The following ABAT variants were observed in gnomAD, a reference collection of about 807,000 sequenced individuals.
ABAT encodes the protein 4-aminobutyrate aminotransferase.
Under a neutral mutation model 64.6 loss-of-function variants are expected in ABAT, and 45 were observed. That is an observed-to-expected ratio of 0.70 (90% CI 0.55 to 0.89). The LOEUF (loss-of-function observed/expected upper bound fraction) is 0.89, where lower values mean the gene tolerates loss of function less well. ABAT is among the 40% of genes least tolerant of loss of function. ABAT has a pLI of 0.00. For synonymous variants in ABAT, 297 were observed against 250.5 expected (o/e 1.19, Z -1.75); for missense variants, 633 against 658.4 (o/e 0.96, Z 0.42).
intron 4 of ABAT, among the ~76,000 whole-genome samples, chr16:8,748,811 C>A (rs1472855765): frequency 6.6e-6 from 1 of 151,892 alleles, no homozygotes; most frequent in African/African-American, 2.4e-5. Flanking sequence ...TCTATTTTTT[C>A]TGATATGAGT....
chr16:8,723,541 T>C (rs143715489), intron 1 of ABAT, among the ~76,000 whole-genome samples: 215 of 152,212 alleles, frequency 1.4e-3, no homozygotes, highest in African/African-American at 4.8e-3. Context: ...TCTCAGACCA[T>C]AGGGCTCTAG....
chr16:8,751,065 C>T (rs957094806), intron 5 of ABAT, among the ~76,000 whole-genome samples: 42 of 151,270 alleles, frequency 2.8e-4, no homozygotes, highest in African/African-American at 9.4e-4. Context: ...TCTCATGCCT[C>T]AGCCTCCCAA....
chr16:8,733,634 G>A lies in ABAT; in HGVS notation c.-41-2065G>A, dbSNP rs577819821. On this transcript the variant is annotated intron_variant, in intron 1 of 15. Transcript: ENST00000268251. ...CACTTGCGGTTAGGGGCTGGAGACC[G>A]GCCTGGCCAACACAGCGAAACCCCG... Among the ~76,000 whole-genome samples, 11 of 152,004 alleles carry A rather than the reference G, an allele frequency of 7.2e-5. 1 individual carries two copies. Among genetic ancestry groups the A allele is most frequent in the Admixed American group, 1.3e-4 (2 of 15,296 alleles).
At chr16:8,681,156 G>A (rs868168753) in intron 1 of ABAT, among the ~76,000 whole-genome samples, 1 of 151,888 alleles carries the variant, frequency 6.6e-6, no homozygotes, top group Non-Finnish European at 1.5e-5. Flanking sequence ...TTTTTAAAAA[G>A]CATTTTTTTG....
chr16:8,732,677 G>C (rs1308178333), intron 1 of ABAT, among the ~76,000 whole-genome samples: 1 of 151,096 alleles, frequency 6.6e-6, no homozygotes, highest in African/African-American at 2.5e-5. Context: ...CACCTTTCCC[G>C]CCTTTCTATT....
In ABAT at chr16:8,720,422, C is replaced by G. The variant is rs562455120; in HGVS notation, c.-41-15277C>G. Among the ~76,000 whole-genome samples, 54 of 152,372 alleles carry G rather than the reference C, an allele frequency of 3.5e-4. 1 individual carries two copies. The highest frequency in any genetic ancestry group is 3.1e-3 in the Admixed American group (47 of 15,310). ...TTGCCTGTTTCCAAGAACAGTATTT[C>G]TGTCTCCCTATACAAGTCACTGATA... On this transcript the variant is annotated intron_variant, in intron 1 of 15. Coordinates refer to ENST00000268251, the MANE Select transcript of ABAT (RefSeq NM_020686.6).
intron 13 of ABAT, among the ~76,000 whole-genome samples, chr16:8,775,928 A>C (rs1567317316): frequency 6.6e-6 from 1 of 152,124 alleles, no homozygotes; most frequent in Non-Finnish European, 1.5e-5. Flanking sequence ...ACTGCCAGCA[A>C]TCCAGTCCCA....
At chr16:8,779,452 C>T (rs761297116) in intron 14 of ABAT, 27 bp from the exon 15 acceptor site, 14 of 1,595,774 alleles carry the variant, frequency 8.8e-6, no homozygotes, top group African/African-American at 1.3e-5. Flanking sequence ...TGGGCTTTGA[C>T]GCCAGCCTTG....
chr16:8,684,436 G>A (rs1333208861), intron 1 of ABAT, among the ~76,000 whole-genome samples: 1 of 152,144 alleles, frequency 6.6e-6, no homozygotes, highest in Non-Finnish European at 1.5e-5. Flanking sequence ...AGCCGGGCAT[G>A]GTGATGCATG....
chr16:8,771,998 C>T (rs1436954383), intron 11 of ABAT, among the ~76,000 whole-genome samples: 1 of 152,112 alleles, frequency 6.6e-6, no homozygotes, highest in East Asian at 1.9e-4. Flanking sequence ...CTCCTGGCCT[C>T]AAGGTATCCT....
rs538157569 is a variant in ABAT, at chr16:8,698,072, A to C, written c.-42+23361A>C. On this transcript the variant is annotated intron_variant, in intron 1 of 15. Coordinates refer to ENST00000268251, the MANE Select transcript of ABAT (RefSeq NM_020686.6). ...GGAGCTGCCGCAAAAAAATTGTCAC[A>C]AACTGAGTGACTCAAAACAATGGAA... Among the ~76,000 whole-genome samples the C allele has an allele frequency of 8.0e-4, 122 of 152,320 alleles. 1 individual carries two copies. The highest frequency in any genetic ancestry group is 2.8e-3 in the African/African-American group (115 of 41,574).
chr16:8,677,133 C>A (rs2057223319), intron 1 of ABAT, among the ~76,000 whole-genome samples: 1 of 152,206 alleles, frequency 6.6e-6, no homozygotes. Context: ...AGTGTCTGAT[C>A]TTAACCTCTC....
intron 1 of ABAT, among the ~76,000 whole-genome samples, chr16:8,726,895 G>A (rs1297316217): frequency 6.6e-6 from 1 of 152,226 alleles, no homozygotes; most frequent in Non-Finnish European, 1.5e-5. Flanking sequence ...TAACTGGGGT[G>A]AGATGACAGC....
At chr16:8,777,948 C>T (rs547462863) in intron 14 of ABAT, among the ~76,000 whole-genome samples, 55 of 149,906 alleles carry the variant, frequency 3.7e-4, no homozygotes, top group Middle Eastern at 7.0e-3. Flanking sequence ...AGAACCCATA[C>T]TCCACAAAAA....
chr16:8,770,572 TGGAACTAA>T (rs2060077805), intron 11 of ABAT, among the ~76,000 whole-genome samples: 1 of 152,112 alleles, frequency 6.6e-6, no homozygotes, highest in Non-Finnish European at 1.5e-5. Flanking sequence ...CTTGAGTAGT[TGGAACTAA>T]GGCACATGAC....
intron 1 of ABAT, among the ~76,000 whole-genome samples, chr16:8,703,594 G>A (rs998175752): frequency 6.6e-6 from 1 of 152,226 alleles, no homozygotes; most frequent in East Asian, 1.9e-4. Flanking sequence ...CACTTTGTGT[G>A]TTGCTGACAT....
At chr16:8,743,318 C>CTGTGTGTGTG (rs56100974) in intron 2 of ABAT, among the ~76,000 whole-genome samples, 16 of 142,616 alleles carry the variant, frequency 1.1e-4, no homozygotes, top group African/African-American at 4.0e-4. Flanking sequence ...ATGTGTGTCT[C>CTGTGTGTGTG]TGTGTGTGTG....
chr16:8,689,838 C>T (rs866483288), intron 1 of ABAT, among the ~76,000 whole-genome samples: 7 of 152,178 alleles, frequency 4.6e-5, no homozygotes, highest in Non-Finnish European at 2.9e-5. Flanking sequence ...AGTAGATCCT[C>T]GTGGCCAAAC....
chr16:8,768,385 TG>T, intron 10 of ABAT, 129 bp downstream of exon 10: 1 of 966,894 alleles, frequency 1.0e-6, no homozygotes, highest in Non-Finnish European at 1.6e-6. Flanking sequence ...CACTGCAGAG[TG>T]GGGATTATTA....
Sources: gnomAD v4.1 joint callset for allele counts (sites outside exome capture counted in the v4.1 genomes callset) on GRCh38, gnomAD v4.1.1 for gene constraint, MANE v1.5 for transcripts, NCBI Gene and HGNC (gene_info 2026-07-23, HGNC 2026-07-21) for gene names.